Variants in RGS6 observed in about 807,000 individuals in gnomAD.
RGS6 encodes regulator of G-protein signaling 6.
RGS6 carries 30 observed loss-of-function variants against 78.5 expected under a neutral mutation model. The observed-to-expected ratio is 0.38, with a 90% confidence interval of 0.29 to 0.52. RGS6 has a LOEUF of 0.52. Ranked by LOEUF, RGS6 falls within the 20% of genes least tolerant of loss-of-function variation. The pLI is 0.85. For missense variants in RGS6, 495 were observed against 609.7 expected (o/e 0.81, Z 1.98); for synonymous variants, 206 against 206.0 (o/e 1.00, Z 0.00).
chr14:72,437,215 C>CCTGTAA (rs1223880877), intron 3 of RGS6, among the ~76,000 whole-genome samples: 2 of 149,936 alleles, frequency 1.3e-5, no homozygotes, highest in African/African-American at 4.9e-5. Context: ...GTGGCGGGTG[C>CCTGTAA]CTGTAATCCC....
chr14:71,902,819 A>C, the RGS6 span, among the ~76,000 whole-genome samples: 58 of 152,252 alleles, frequency 3.8e-4, no homozygotes, highest in Admixed American at 1.1e-3. Context: ...AATCTTAATG[A>C]AACATAAAAA....
intron 3 of RGS6, among the ~76,000 whole-genome samples, chr14:72,373,515 C>T (rs2083949245): frequency 6.6e-6 from 1 of 152,080 alleles, no homozygotes; most frequent in Non-Finnish European, 1.5e-5. Flanking sequence ...GACATCTGTC[C>T]ATCCTGGGTA....
chr14:72,410,178 C>G (rs529202364), intron 3 of RGS6, among the ~76,000 whole-genome samples: 2,177 of 152,316 alleles, frequency 0.014, 47 homozygotes, highest in African/African-American at 0.05. Flanking sequence ...ACAGTCCCAC[C>G]AACAGTGTAA....
At chr14:71,888,785 C>A in the RGS6 span, among the ~76,000 whole-genome samples, 1 of 152,172 alleles carries the variant, frequency 6.6e-6, no homozygotes, top group Non-Finnish European at 1.5e-5. Context: ...AAAGAGTCAG[C>A]TGAGCTGACT....
intron 2 of RGS6, among the ~76,000 whole-genome samples, chr14:72,204,043 C>G (rs751907351): frequency 3.3e-5 from 5 of 152,028 alleles, no homozygotes; most frequent in Non-Finnish European, 7.4e-5. Context: ...AGGCTGGTCT[C>G]AAACTCCTGA....
At chr14:71,915,433 T>C in the RGS6 span, among the ~76,000 whole-genome samples, 17 of 152,208 alleles carry the variant, frequency 1.1e-4, no homozygotes, top group South Asian at 1.0e-3. Context: ...CTGCTGCTTG[T>C]AGTCAGAGAG....
At chr14:72,160,692 A>G (rs910048970) in intron 2 of RGS6, among the ~76,000 whole-genome samples, 1 of 152,226 alleles carries the variant, frequency 6.6e-6, no homozygotes, top group Non-Finnish European at 1.5e-5. Context: ...ATGGAGAGAT[A>G]CAAGGGATGC....
upstream of RGS6, among the ~76,000 whole-genome samples, chr14:71,928,447 C>G (rs1007958639): frequency 3.9e-5 from 6 of 152,162 alleles, no homozygotes; most frequent in Non-Finnish European, 8.8e-5. Context: ...GTCATGAATG[C>G]GCAGTCTTGG....
chr14:71,885,291 A>C, the RGS6 span, among the ~76,000 whole-genome samples: 1 of 152,260 alleles, frequency 6.6e-6, no homozygotes, highest in Admixed American at 6.5e-5. Flanking sequence ...AACGGAAACC[A>C]AACATTTCTA....
chr14:72,419,978 G>T (rs761723826), intron 3 of RGS6, among the ~76,000 whole-genome samples: 17 of 152,254 alleles, frequency 1.1e-4, no homozygotes, highest in Non-Finnish European at 1.9e-4. Flanking sequence ...GGAAGGCCAG[G>T]AAGGCTGTCG....
chr14:72,290,273 T>A (rs1023434802), intron 2 of RGS6, among the ~76,000 whole-genome samples: 1 of 152,104 alleles, frequency 6.6e-6, no homozygotes, highest in Admixed American at 6.5e-5. Context: ...TCTCAAGAGG[T>A]TGACATCCTT....
At chr14:72,247,682 G>T (rs1387475652) in intron 2 of RGS6, among the ~76,000 whole-genome samples, 1 of 152,182 alleles carries the variant, frequency 6.6e-6, no homozygotes, top group African/African-American at 2.4e-5. Flanking sequence ...GAGTAATTTG[G>T]TCAAGAGGGC....
At chr14:72,533,300 G>T (rs922282815) in intron 15 of RGS6, among the ~76,000 whole-genome samples, 1 of 152,192 alleles carries the variant, frequency 6.6e-6, no homozygotes, top group African/African-American at 2.4e-5. Context: ...GGCCACTGTT[G>T]AGACCTACTG....
At chr14:71,910,266 C>T in the RGS6 span, among the ~76,000 whole-genome samples, 1 of 152,140 alleles carries the variant, frequency 6.6e-6, no homozygotes, top group Admixed American at 6.5e-5. Context: ...TCTGTGCTTC[C>T]CCTTTGCTTC....
At chr14:71,955,599 T>C (rs1032962583) in intron 1 of RGS6, among the ~76,000 whole-genome samples, 1 of 152,200 alleles carries the variant, frequency 6.6e-6, no homozygotes, top group Non-Finnish European at 1.5e-5. Flanking sequence ...AACTTCCTGA[T>C]GTTGCCATGG....
intron 2 of RGS6, among the ~76,000 whole-genome samples, chr14:72,329,652 G>T (rs116346139): frequency 6.6e-6 from 1 of 152,232 alleles, no homozygotes; most frequent in Non-Finnish European, 1.5e-5. Context: ...GCCTGGTAAA[G>T]GTTCATTTAA....
chr14:72,049,952 G>C (rs984822394), intron 2 of RGS6, among the ~76,000 whole-genome samples: 3 of 152,092 alleles, frequency 2.0e-5, no homozygotes, highest in African/African-American at 7.2e-5. Flanking sequence ...ATATATAGCT[G>C]TACACTAGAC....
intron 12 of RGS6, among the ~76,000 whole-genome samples, chr14:72,494,825 A>G (rs1281812042): frequency 6.6e-6 from 1 of 152,138 alleles, no homozygotes; most frequent in South Asian, 2.1e-4. Context: ...GTGGAACACA[A>G]ACAGTTTTGA....
intron 2 of RGS6, among the ~76,000 whole-genome samples, chr14:72,147,504 CAAT>C (rs1321308847): frequency 6.6e-6 from 1 of 152,156 alleles, no homozygotes; most frequent in Non-Finnish European, 1.5e-5. Flanking sequence ...ACCACTCTTG[CAAT>C]AATGACATTA....
Sources: gnomAD v4.1 joint callset for allele counts (sites outside exome capture counted in the v4.1 genomes callset) on GRCh38, gnomAD v4.1.1 for gene constraint, MANE v1.5 for transcripts, NCBI Gene and HGNC (gene_info 2026-07-23, HGNC 2026-07-21) for gene names.